GPM6A: variants seen among roughly 807,000 people sequenced by gnomAD.
GPM6A encodes the protein glycoprotein M6A.
Under a neutral mutation model 32.1 loss-of-function variants are expected in GPM6A, and 7 were observed. The ratio of observed to expected loss-of-function variants is 0.22; its 90% CI spans 0.12 to 0.41. The LOEUF (loss-of-function observed/expected upper bound fraction) is 0.41, where lower values mean the gene tolerates loss of function less well. Ranked by LOEUF, GPM6A falls within the 10% of genes least tolerant of loss-of-function variation. The pLI is 1.00. For missense variants in GPM6A, 235 were observed against 347.2 expected (o/e 0.68, Z 2.57); for synonymous variants, 130 against 123.4 (o/e 1.05, Z -0.35).
intron 1 of GPM6A, among the ~76,000 whole-genome samples, chr4:175,769,152 C>T (rs1356400054): frequency 1.3e-5 from 2 of 152,092 alleles, no homozygotes; most frequent in Admixed American, 6.6e-5. Context: ...TATCTATTTT[C>T]ACCCTCAATA....
At chr4:175,764,717 T>C (rs1393618353) in intron 1 of GPM6A, among the ~76,000 whole-genome samples, 1 of 152,050 alleles carries the variant, frequency 6.6e-6, no homozygotes. Context: ...CCTTGACATA[T>C]TGATTGGGAT....
chr4:175,931,548 C>G lies in GPM6A; in HGVS notation c.-23+70761G>C, dbSNP rs1371011778. Reference sequence around the variant, plus strand: ...TTAAAATGTTGAAGAAATAAAAAAACTGTCAATCTCAAATGCTATGTCCAG... The same window carrying G: ...TTAAAATGTTGAAGAAATAAAAAAAGTGTCAATCTCAAATGCTATGTCCAG... On this transcript the variant is annotated intron_variant, in intron 1 of 7. Coordinates refer to the GPM6A transcript ENST00000280187. 5.3e-5 allele frequency among the ~76,000 whole-genome samples: 8 copies of G among 152,078 alleles called. No homozygotes were observed. In the East Asian group the frequency reaches 1.5e-3, roughly 29 times the overall value.
chr4:175,836,139 T>C (rs1183996665), intron 1 of GPM6A, among the ~76,000 whole-genome samples: 1 of 152,168 alleles, frequency 6.6e-6, no homozygotes, highest in Non-Finnish European at 1.5e-5. Context: ...TCTACCTCTC[T>C]ACCCAATTAT....
intron 1 of GPM6A, among the ~76,000 whole-genome samples, chr4:175,720,254 C>T (rs1746046045): frequency 6.6e-6 from 1 of 152,170 alleles, no homozygotes; most frequent in African/African-American, 2.4e-5. Flanking sequence ...CCACAGGACA[C>T]ATCCTTAAGA....
intron 1 of GPM6A, among the ~76,000 whole-genome samples, chr4:175,998,404 G>T (rs982242630): frequency 6.6e-6 from 1 of 151,970 alleles, no homozygotes; most frequent in Non-Finnish European, 1.5e-5. Context: ...CACCCAGCTC[G>T]TCCTGCCTCT....
chr4:175,715,087 A>G (rs1384839925), intron 1 of GPM6A, among the ~76,000 whole-genome samples: 1 of 152,050 alleles, frequency 6.6e-6, no homozygotes, highest in Non-Finnish European at 1.5e-5. Flanking sequence ...CTGGAAATCC[A>G]GTTAAAACCC....
chr4:175,741,800 A>C lies in GPM6A; in HGVS notation c.38-40033T>G, dbSNP rs530319421. Among the ~76,000 whole-genome samples, 40 of 152,174 alleles carry C rather than the reference A, an allele frequency of 2.6e-4. 1 individual carries two copies. Among genetic ancestry groups the C allele is most frequent in the African/African-American group, 9.4e-4 (39 of 41,566 alleles). ...TATTCCATAATTTCTCAATTTCATA[A>C]TGTGTTTTTTCACAACTTAATGTTT... On this transcript the variant is annotated intron_variant, in intron 1 of 6. Transcript: ENST00000393658.
chr4:175,974,569 A>G (rs1740604781), intron 1 of GPM6A, among the ~76,000 whole-genome samples: 1 of 141,488 alleles, frequency 7.1e-6, no homozygotes, highest in South Asian at 2.2e-4. Flanking sequence ...GTCTGTTTAA[A>G]ATCAACAGCT....
chr4:175,787,368 C>T (rs1553989365), intron 1 of GPM6A: 4 of 1,535,134 alleles, frequency 2.6e-6, no homozygotes, highest in South Asian at 1.2e-5. Flanking sequence ...GTGATGCTGC[C>T]GGCCGCTGGC....
At chr4:175,772,615 C>A (rs913838702) in intron 1 of GPM6A, among the ~76,000 whole-genome samples, 3 of 152,074 alleles carry the variant, frequency 2.0e-5, no homozygotes, top group African/African-American at 7.2e-5. Flanking sequence ...TCCACTCCCT[C>A]TGGAGGAAAG....
At chr4:175,650,166 C>T (rs190219214) in intron 4 of GPM6A, among the ~76,000 whole-genome samples, 7 of 152,164 alleles carry the variant, frequency 4.6e-5, no homozygotes, top group African/African-American at 1.2e-4. Context: ...CTTTTCCCCC[C>T]GTACACATGT....
intron 1 of GPM6A, among the ~76,000 whole-genome samples, chr4:175,722,151 G>T (rs1264224356): frequency 2.0e-5 from 3 of 151,954 alleles, no homozygotes; most frequent in African/African-American, 7.3e-5. Flanking sequence ...GCCTGGTGCG[G>T]GGGTGTGCAC....
At chr4:175,973,056 A>C (rs1392360620) in intron 1 of GPM6A, among the ~76,000 whole-genome samples, 1 of 152,208 alleles carries the variant, frequency 6.6e-6, no homozygotes, top group Non-Finnish European at 1.5e-5. Flanking sequence ...GTGAACACCC[A>C]CCTGAAAAGA....
chr4:175,862,492 C>G (rs1266129312), intron 1 of GPM6A, among the ~76,000 whole-genome samples: 1 of 152,178 alleles, frequency 6.6e-6, no homozygotes, highest in Non-Finnish European at 1.5e-5. Context: ...GAGCAGTGTT[C>G]TCATTGTGTT....
At chr4:175,726,892 A>G (rs936827181) in intron 1 of GPM6A, among the ~76,000 whole-genome samples, 37 of 152,124 alleles carry the variant, frequency 2.4e-4, no homozygotes, top group Admixed American at 2.4e-3. Context: ...GCTATTCAGG[A>G]GGCTGAGGCA....
intron 4 of GPM6A, among the ~76,000 whole-genome samples, chr4:175,651,054 T>G (rs1396985220): frequency 6.6e-6 from 1 of 152,178 alleles, no homozygotes; most frequent in Non-Finnish European, 1.5e-5. Context: ...AGTTGACTTA[T>G]GAGCAAGAAC....
intron 1 of GPM6A, among the ~76,000 whole-genome samples, chr4:175,749,497 G>A (rs865940017): frequency 1.3e-5 from 2 of 152,138 alleles, no homozygotes; most frequent in Admixed American, 6.6e-5. Context: ...GATGAAGTCT[G>A]CATGTGTAAA....
intron 6 of GPM6A, 44 bp from the exon 7 acceptor site, chr4:175,635,101 G>C: frequency 6.9e-7 from 1 of 1,449,258 alleles, no homozygotes; most frequent in Non-Finnish European, 9.7e-7. Context: ...TTTGTTCAGT[G>C]TCTTCATTAC....
At chr4:175,639,153 G>A (rs1008520095) in intron 6 of GPM6A, among the ~76,000 whole-genome samples, 29 of 152,020 alleles carry the variant, frequency 1.9e-4, no homozygotes, top group Admixed American at 1.1e-3. Context: ...GAATATATAT[G>A]TAAGTCATTT....
Sources: allele counts gnomAD v4.1 joint callset (sites outside exome capture counted in the v4.1 genomes callset), GRCh38; gene constraint gnomAD v4.1.1; transcripts MANE v1.5; gene names NCBI Gene and HGNC (gene_info 2026-07-23, HGNC 2026-07-21).